MICAL2: variants seen among roughly 807,000 people sequenced by gnomAD.
MICAL2 encodes the protein [F-actin]-monooxygenase MICAL2.
A neutral mutation model predicts 127.3 loss-of-function variants in MICAL2; 77 were observed. The ratio of observed to expected loss-of-function variants is 0.60; its 90% CI spans 0.50 to 0.73. The LOEUF (loss-of-function observed/expected upper bound fraction) is 0.73. Among genes scored for constraint, MICAL2 ranks in the 30% least tolerant of loss-of-function variants. The pLI, the probability that MICAL2 is intolerant of heterozygous loss-of-function variation, is 0.00. For missense variants in MICAL2, 1,351 were observed against 1,434.4 expected (o/e 0.94, Z 0.94); for synonymous variants, 570 against 551.1 (o/e 1.03, Z -0.48).
intron 1 of MICAL2, among the ~76,000 whole-genome samples, chr11:12,133,361 T>C (rs1482265702): frequency 2.0e-5 from 3 of 152,128 alleles, no homozygotes; most frequent in African/African-American, 7.2e-5. Flanking sequence ...GGATTACAGG[T>C]GTGAGCCACT....
intron 23 of MICAL2, 156 bp from the exon 24 acceptor site, chr11:12,256,629 C>T: frequency 1.4e-6 from 1 of 690,306 alleles, no homozygotes; most frequent in Non-Finnish European, 2.3e-6. Context: ...GGGGGTGTAT[C>T]TTCCTACCCC....
At chr11:12,294,539 G>A, downstream of MICAL2, 2 of 1,614,100 alleles carry the variant, frequency 1.2e-6, no homozygotes, top group Non-Finnish European at 1.7e-6. Context: ...GATTGAAGAT[G>A]TCCCCACACT....
intron 21 of MICAL2, among the ~76,000 whole-genome samples, chr11:12,246,811 T>G (rs1310710399): frequency 1.3e-5 from 2 of 152,196 alleles, no homozygotes; most frequent in Non-Finnish European, 2.9e-5. Flanking sequence ...GTTAGGCATT[T>G]CAGGCTGTCA....
downstream of MICAL2, among the ~76,000 whole-genome samples, chr11:12,360,301 G>T (rs1244970988): frequency 6.6e-6 from 1 of 151,974 alleles, no homozygotes; most frequent in Non-Finnish European, 1.5e-5. Flanking sequence ...AGGTTTTCAG[G>T]TGTTATAATT....
intron 3 of MICAL2, among the ~76,000 whole-genome samples, chr11:12,168,946 C>CAAAA (rs66469229): frequency 3.5e-5 from 4 of 115,212 alleles, no homozygotes; most frequent in African/African-American, 1.4e-4. Flanking sequence ...GATCCTGTCT[C>CAAAA]AAAAAAAAAA....
At chr11:12,327,092 T>G (rs969790057) in intron 31 of MICAL2, 65 of 1,277,800 alleles carry the variant, frequency 5.1e-5, no homozygotes, top group Admixed American at 2.8e-4. Context: ...CTCTTTCTCC[T>G]GGAAAGTAAG....
downstream of MICAL2, chr11:12,294,220 G>A (rs1394556842): frequency 1.4e-5 from 22 of 1,613,938 alleles, no homozygotes; most frequent in Non-Finnish European, 1.9e-5. Context: ...AGCGAAACGT[G>A]CCTCCACCCA....
intron 14 of MICAL2, 54 bp from the exon 15 acceptor site, chr11:12,226,971 C>T: frequency 2.1e-6 from 3 of 1,403,138 alleles, no homozygotes; most frequent in Non-Finnish European, 3.0e-6. Context: ...CTTGTTATAG[C>T]CATACTTCCC....
Position 12,127,922 on chromosome 11 carries a change from C to T in MICAL2, c.-148-10468C>T, listed in dbSNP as rs60292590. 2.1e-3 allele frequency among the ~76,000 whole-genome samples: 315 copies of T among 152,306 alleles called. 1 individual carries two copies. Among genetic ancestry groups the T allele is most frequent in the African/African-American group, 7.4e-3 (308 of 41,554 alleles). On this transcript the variant is annotated intron_variant, in intron 1 of 27. Transcript: ENST00000683283. ...ATCTGTAAATGGAGATAAAATGGTA[C>T]TTACCATTTCAGGCACGTTTTCAAG...
intron 1 of MICAL2, among the ~76,000 whole-genome samples, chr11:12,115,267 T>A (rs1159181534): frequency 6.6e-6 from 1 of 152,194 alleles, no homozygotes; most frequent in Non-Finnish European, 1.5e-5. Context: ...GACCGGAGGC[T>A]TAGGAGGGCA....
chr11:12,223,318 C>A, intron 11 of MICAL2, 93 bp from the exon 12 acceptor site: 2 of 1,071,722 alleles, frequency 1.9e-6, no homozygotes, highest in South Asian at 2.7e-5. Context: ...AAAATGGTGG[C>A]AGGCACTGAA....
intron 29 of MICAL2, among the ~76,000 whole-genome samples, chr11:12,308,833 A>G (rs1438846063): frequency 6.6e-6 from 1 of 152,146 alleles, no homozygotes; most frequent in East Asian, 1.9e-4. Flanking sequence ...ATTGTATTTC[A>G]CCATTGAGTA....
chr11:12,206,172 C>T (rs993329427), intron 4 of MICAL2, among the ~76,000 whole-genome samples: 9 of 152,070 alleles, frequency 5.9e-5, no homozygotes, highest in African/African-American at 2.2e-4. Context: ...AATTTAGAAC[C>T]ACTGTATTGA....
chr11:12,314,604 G>A lies in MICAL2; in HGVS notation c.5213-5092G>A, dbSNP rs572811703. Among the ~76,000 whole-genome samples the A allele has an allele frequency of 3.3e-5, 5 of 150,378 alleles. No homozygotes were observed. In the South Asian group the frequency reaches 6.3e-4, roughly 19 times the overall value. On this transcript the variant is annotated intron_variant, in intron 29 of 34. Coordinates refer to the MICAL2 transcript ENST00000646065. Reference sequence around the variant, plus strand: ...CGCCATTCCCCTGCCTCAGCCTCCCGAGTAGCTGGGACTACAGGCGCCCGC... The same window carrying A: ...CGCCATTCCCCTGCCTCAGCCTCCCAAGTAGCTGGGACTACAGGCGCCCGC...
intron 3 of MICAL2, among the ~76,000 whole-genome samples, chr11:12,172,411 G>A (rs1384248550): frequency 1.3e-5 from 2 of 152,188 alleles, no homozygotes; most frequent in African/African-American, 2.4e-5. Flanking sequence ...AAAGGAATGG[G>A]GAAGACGATG....
At chr11:12,137,985 C>A (rs1219178928) in intron 1 of MICAL2, among the ~76,000 whole-genome samples, 2 of 152,218 alleles carry the variant, frequency 1.3e-5, no homozygotes, top group Non-Finnish European at 2.9e-5. Flanking sequence ...CCGTTTCACA[C>A]TGGGGACTTG....
At chr11:12,243,506 C>G (rs560508876) in intron 20 of MICAL2, 37 of 160,870 alleles carry the variant, frequency 2.3e-4, no homozygotes, top group African/African-American at 3.1e-4. Context: ...TTGGTGGAGT[C>G]ACTGGCGTGG....
intron 3 of MICAL2, among the ~76,000 whole-genome samples, chr11:12,188,236 TA>T (rs1169487217): frequency 3.4e-4 from 52 of 152,366 alleles, no homozygotes; most frequent in Non-Finnish European, 6.2e-4. Context: ...GCAATGATAA[TA>T]TTTTGCATAT....
At chr11:12,216,157 T>C (rs1590396396) in intron 7 of MICAL2, 62 bp from the exon 8 acceptor site, 1 of 1,269,918 alleles carries the variant, frequency 7.9e-7, no homozygotes, top group Non-Finnish European at 1.2e-6. Context: ...CAAAGTACAG[T>C]TCCTGGCACA....
Sources: gnomAD v4.1 joint callset for allele counts (sites outside exome capture counted in the v4.1 genomes callset) on GRCh38, gnomAD v4.1.1 for gene constraint, MANE v1.5 for transcripts, NCBI Gene and HGNC (gene_info 2026-07-23, HGNC 2026-07-21) for gene names.